LIF: variants seen among roughly 807,000 people sequenced by gnomAD.
LIF encodes leukemia inhibitory factor.
A neutral mutation model predicts 15.0 loss-of-function variants in LIF; 9 were observed. The ratio of observed to expected loss-of-function variants is 0.60; its 90% CI spans 0.36 to 1.04. LIF has a LOEUF of 1.04. Among genes scored for constraint, LIF ranks in the 50% least tolerant of loss-of-function variants. The pLI is 0.01. For missense variants in LIF, 240 were observed against 266.7 expected (o/e 0.90, Z 0.70); for synonymous variants, 122 against 119.7 (o/e 1.02, Z -0.13).
At position 30,244,755 on chromosome 22, in the gene LIF, A is replaced by G. The variant is rs1601642872; in HGVS notation, c.198T>C (p.Tyr66=). 4 of 1,613,812 alleles carry G rather than the reference A, an allele frequency of 2.5e-6. No individual in the cohort carries two copies. In the African/African-American group the frequency reaches 4.0e-5, roughly 16 times the overall value. ...NGSANALFIL[Y]YTAQGEPFPN... ...TGTCAGTATCCCAGGGGTAACTTAC[A>G]TAGAGAATAAAGAGGGCATTGGCAC... is the stretch of plus-strand genomic sequence containing the variant. Residue 66 remains tyrosine (Y), a splice_region_variant and synonymous_variant, in exon 2 of 3, where the codon TAT becomes TAC. Coordinates refer to ENST00000249075, the MANE Select transcript of LIF (RefSeq NM_002309.5).
intron 2 of LIF, 134 bp downstream of exon 2, chr22:30,244,621 G>A: frequency 1.1e-6 from 1 of 876,260 alleles, no homozygotes; most frequent in Non-Finnish European, 1.8e-6. Context: ...TCTGGGGGTG[G>A]TTTAATCAAG....
At chr22:30,246,594 C>T (rs1386791715) in intron 1 of LIF, 83 bp downstream of exon 1, 2 of 1,507,016 alleles carry the variant, frequency 1.3e-6, no homozygotes, top group East Asian at 5.1e-5. Context: ...GGGTGGGCGT[C>T]CGGCTCGCGC....
In LIF at chr22:30,244,876, G is replaced by A. The variant is rs1928819407; in HGVS notation, c.77C>T (p.Pro26Leu). The change falls in exon 2 of 3, where the codon CCC becomes CTC. Residue 26 changes from proline to leucine, a missense_variant. By Grantham distance (98) the Pro-to-Leu change is moderately conservative (BLOSUM62 -3). Coordinates refer to ENST00000249075, the MANE Select transcript of LIF (RefSeq NM_002309.5). Reference protein sequence around the residue: ...HWKHGAGSPLPITPVNATCAI... With the variant: ...HWKHGAGSPLLITPVNATCAI... ...ACAGGTGGCGTTGACAGGGGTGATG[G>A]GGAGGGGGCTCCCCGCCCCATGTTT... 3 of 1,614,064 alleles carry A rather than the reference G, an allele frequency of 1.9e-6. No homozygotes were observed. Among genetic ancestry groups the A allele is most frequent in the Non-Finnish European group, 2.5e-6 (3 of 1,180,002 alleles).
intron 1 of LIF, among the ~76,000 whole-genome samples, chr22:30,246,025 C>G (rs1486261612): frequency 6.6e-6 from 1 of 152,240 alleles, no homozygotes; most frequent in Non-Finnish European, 1.5e-5. Context: ...GGAGACCTCC[C>G]CCGGATCCCC....
rs920215682 is a variant in LIF, at chr22:30,245,001, C to A, written c.20-68G>T. 3.3e-6 allele frequency: 5 copies of A among 1,502,042 alleles called. No individual in the cohort carries two copies. In the African/African-American group the frequency reaches 6.9e-5, roughly 21 times the overall value. The allele number at this position is 1,502,042 out of a possible 1,614,324, so 93.0% of individuals were successfully genotyped here. A position where few individuals can be genotyped will look rare whatever the true frequency, so the allele number is the denominator to read the frequency against. ...AGGGTGGCCTGGGGTCATGGCACACCGGATGGGGGTCCAACAATGGCCGCA... is the reference window on the plus strand; with the variant it reads ...AGGGTGGCCTGGGGTCATGGCACACAGGATGGGGGTCCAACAATGGCCGCA... On this transcript the variant is annotated intron_variant, in intron 1 of 2. Coordinates refer to ENST00000249075, the MANE Select transcript of LIF (RefSeq NM_002309.5).
At chr22:30,244,678 C>T (rs912744108) in intron 2 of LIF, 77 bp downstream of exon 2, 11 of 1,410,624 alleles carry the variant, frequency 7.8e-6, no homozygotes, top group Non-Finnish European at 1.1e-5. Context: ...CCCCTCAACC[C>T]AGATCAGGAC....
intron 2 of LIF, among the ~76,000 whole-genome samples, chr22:30,244,304 C>T (rs1928790295): frequency 6.6e-6 from 1 of 152,120 alleles, no homozygotes; most frequent in Non-Finnish European, 1.5e-5. Flanking sequence ...ATCATCACCA[C>T]CCTAAGGGGA....
At position 30,243,851 on chromosome 22, in the gene LIF, G is replaced by A. The variant is rs1006881400; in HGVS notation, c.409C>T (p.Leu137Phe). The A allele has an allele frequency of 8.1e-6, 13 of 1,614,140 alleles. No individual in the cohort carries two copies. In the Admixed American group the frequency reaches 1.7e-4, roughly 21 times the overall value. ...CGCAGGATGTCGGCGGTGGCGTTGA[G>A]CTTGCTGTGGAGGCTGAGGGCACTG... ...NPSALSLHSK[L>F]NATADILRGL... is the part of the protein sequence containing the mutation. The change falls in exon 3 of 3, where the codon CTC becomes TTC. Residue 137 changes from leucine to phenylalanine, a missense_variant. Physicochemically the swap from Leu to Phe is conservative, Grantham distance 22. Transcript: ENST00000249075. The surrounding 1 kb of genome is among the most constrained non-coding windows in gnomAD (Gnocchi z 6.0).
Position 30,243,299 on chromosome 22 carries a change from C to CT in LIF, c.*351dup, listed in dbSNP as rs541283162. On this transcript the variant is annotated 3_prime_UTR_variant, in exon 3 of 3. Transcript: ENST00000249075. This position sits in a 1 kb window ranked among gnomAD's most constrained non-coding sequence, Gnocchi z 6.0. ...CTCCCCTGGGCCCTGCTGTCTCACC[C>CT]TGTGGTCAGGGCTCTTGTAGATGAC... is the stretch of plus-strand genomic sequence containing the variant. 2 of 392,310 alleles carry CT rather than the reference C, an allele frequency of 5.1e-6. No individual in the cohort carries two copies. Among genetic ancestry groups the CT allele is most frequent in the Non-Finnish European group, 9.7e-6 (2 of 206,682 alleles). The allele number at this position is 392,310 out of a possible 1,614,324, so 24.3% of individuals were successfully genotyped here.
In LIF at chr22:30,244,040, A is replaced by T; in HGVS notation, c.220T>A (p.Phe74Ile). 1.2e-6 allele frequency: 2 copies of T among 1,610,104 alleles called. No individual in the cohort carries two copies. The highest frequency in any genetic ancestry group is 1.7e-6 in the Non-Finnish European group (2 of 1,179,340). The change falls in exon 3 of 3, where the codon TTC becomes ATC. Residue 74 changes from phenylalanine (F) to isoleucine (I), a missense_variant. Transcript: ENST00000249075. ...CATAGCTTGTCCAGGTTGTTGGGGA[A>T]CGGCTCCCCCTGGGCTGTGTACTGA... ...ILYYTAQGEP[F>I]PNNLDKLCGP...
At chr22:30,246,244 G>A (rs1453888139) in intron 1 of LIF, 1 of 173,546 alleles carries the variant, frequency 5.8e-6, no homozygotes, top group Non-Finnish European at 1.2e-5. Context: ...GAGTTTGCAA[G>A]CTGCTCGCCG....
Position 30,244,854 on chromosome 22 carries a change from G to T in LIF, c.99C>A (p.Thr33=), listed in dbSNP as rs1928817215. 6.2e-7 allele frequency: 1 copy of T among 1,614,220 alleles called. No homozygotes were observed. Among genetic ancestry groups the T allele is most frequent in the Non-Finnish European group, 8.5e-7 (1 of 1,180,012 alleles). The stretch of plus-strand genomic sequence containing the variant: ...TGTGACATGGGTGGCGTATGGCACA[G>T]GTGGCGTTGACAGGGGTGATGGGGA... ...SPLPITPVNA[T]CAIRHPCHNN... The change falls in exon 2 of 3, where the codon ACC becomes ACA. Residue 33 remains threonine, a synonymous_variant. Transcript: ENST00000249075.
chr22:30,243,711 C>T lies in LIF; in HGVS notation c.549G>A (p.Leu183=), dbSNP rs201126748. Residue 183 remains leucine (L), a synonymous_variant, in exon 3 of 3, where the codon CTG becomes CTA. Transcript: ENST00000249075. This position sits in a 1 kb window ranked among gnomAD's most constrained non-coding sequence, Gnocchi z 6.0. ...TATACTTCCCCAGGAGTTGACAGCCCAGCTTCTTCTTCTGGAAGACATCCT... is the reference window on the plus strand; with the variant it reads ...TATACTTCCCCAGGAGTTGACAGCCTAGCTTCTTCTTCTGGAAGACATCCT... The part of the protein sequence containing the change: ...SGKDVFQKKK[L]GCQLLGKYKQ... The T allele has an allele frequency of 4.4e-5, 71 of 1,614,244 alleles. No homozygotes were observed. The East Asian group carries it at 1.5e-3, about 34-fold the overall frequency.
At chr22:30,244,397 C>T (rs1928793581) in intron 2 of LIF, among the ~76,000 whole-genome samples, 1 of 152,096 alleles carries the variant, frequency 6.6e-6, no homozygotes, top group African/African-American at 2.4e-5. Flanking sequence ...TGTTCCGGGA[C>T]GCCCCTCCAT....
intron 1 of LIF, among the ~76,000 whole-genome samples, chr22:30,245,202 T>C (rs1928836658): frequency 6.6e-6 from 1 of 152,150 alleles, no homozygotes; most frequent in Non-Finnish European, 1.5e-5. Context: ...ACCCAAAGGG[T>C]GCAGGGTCCA....
rs1928627687 is a variant in LIF at position 30,240,573 on chromosome 22, A to G, written c.*3078T>C. On this transcript the variant is annotated 3_prime_UTR_variant, in exon 3 of 3. Coordinates refer to ENST00000249075, the MANE Select transcript of LIF (RefSeq NM_002309.5). ...AAATAAAAATAATCTGTCAGTATGA[A>G]ACATCCCCACAGGGTACATTCATCA... The G allele has an allele frequency of 6.5e-6, 1 of 152,686 alleles. No homozygotes were observed. The highest frequency in any genetic ancestry group is 1.5e-5 in the Non-Finnish European group (1 of 68,056). The allele number at this position is 152,686 out of a possible 1,614,324, so 9.5% of individuals were successfully genotyped here. A position where few individuals can be genotyped will look rare whatever the true frequency, so the allele number is the denominator to read the frequency against.
At chr22:30,244,657 C>A (rs1229500394) in intron 2 of LIF, 98 bp downstream of exon 2, 5 of 1,154,704 alleles carry the variant, frequency 4.3e-6, no homozygotes, top group Middle Eastern at 2.2e-4. Context: ...CTCCTTCCAG[C>A]CCCAAAAGGT....
At position 30,244,072 on chromosome 22, in the gene LIF, G is replaced by A; in HGVS notation, c.199-11C>T. On this transcript the variant is annotated splice_polypyrimidine_tract_variant and intron_variant, in intron 2 of 2. Transcript: ENST00000249075. ...CCCCTGGGCTGTGTACTGAGGGGCA[G>A]AAGGGAGGTGACGTGGGAGTCAGGG... 6.3e-7 allele frequency: 1 copy of A among 1,592,634 alleles called. No individual in the cohort carries two copies. The highest frequency in any genetic ancestry group is 8.5e-7 in the Non-Finnish European group (1 of 1,170,118).
rs1423735785 is a variant in LIF at position 30,244,892 on chromosome 22, C to T, written c.61G>A (p.Ala21Thr). The T allele has an allele frequency of 6.2e-7, 1 of 1,614,042 alleles. No individual in the cohort carries two copies. Among genetic ancestry groups the T allele is most frequent in the East Asian group, 2.2e-5 (1 of 44,892 alleles). ...GGGGTGATGGGGAGGGGGCTCCCCG[C>T]CCCATGTTTCCAGTGCAGAACCAAC... ...LLLVLHWKHG[A>T]GSPLPITPVN... Residue 21 changes from alanine to threonine, a missense_variant, in exon 2 of 3, where the codon GCG (alanine) becomes ACG (threonine). Transcript: ENST00000249075.
Sources: allele counts gnomAD v4.1 joint callset (sites outside exome capture counted in the v4.1 genomes callset), GRCh38; gene constraint gnomAD v4.1.1; non-coding constraint Gnocchi (gnomAD v3.1); transcripts MANE v1.5; gene names NCBI Gene and HGNC (gene_info 2026-07-23, HGNC 2026-07-21).